Variants in VWA3A observed in about 807,000 individuals in gnomAD.
VWA3A encodes the protein von Willebrand factor A domain-containing protein 3A.
VWA3A carries 134 observed loss-of-function variants against 160.4 expected under a neutral mutation model. That is an observed-to-expected ratio of 0.84 (90% CI 0.73 to 0.96). VWA3A has a LOEUF of 0.96. VWA3A is among the 40% of genes least tolerant of loss of function. VWA3A has a pLI of 0.00. For synonymous variants in VWA3A, 476 were observed against 543.4 expected, an observed-to-expected ratio of 0.88 and a Z score of 1.72; for missense variants, 1,310 against 1,447.9, an observed-to-expected ratio of 0.90 and a Z score of 1.55.
chr16:22,144,581 C>T (rs1244845107), intron 26 of VWA3A, among the ~76,000 whole-genome samples, 197 bp downstream of exon 26: 1 of 151,996 alleles, frequency 6.6e-6, no homozygotes, highest in Non-Finnish European at 1.5e-5. Context: ...GGCCTAAGAT[C>T]CCATTCCAGG....
chr16:22,124,314 C>T (rs2141926488), intron 16 of VWA3A, among the ~76,000 whole-genome samples: 1 of 151,568 alleles, frequency 6.6e-6, no homozygotes, highest in African/African-American at 2.4e-5. Flanking sequence ...AATGCCCATC[C>T]CTGGAGCTTG....
At chr16:22,150,052 A>G (rs531398932) in intron 29 of VWA3A, 121 bp downstream of exon 29, 2 of 1,325,672 alleles carry the variant, frequency 1.5e-6, no homozygotes, top group South Asian at 1.6e-5. Context: ...GCACTACATC[A>G]TTTCATCTTC....
intron 8 of VWA3A, 62 bp downstream of exon 8, chr16:22,111,056 A>G: frequency 1.4e-6 from 2 of 1,412,160 alleles, no homozygotes; most frequent in Non-Finnish European, 1.9e-6. Context: ...TAACCAGCAG[A>G]GTCTTTATTG....
chr16:22,148,106 C>T (rs2046285309), intron 27 of VWA3A, 56 bp from the exon 28 acceptor site: 10 of 1,520,092 alleles, frequency 6.6e-6, no homozygotes, highest in Non-Finnish European at 7.9e-6. Flanking sequence ...GGAAACCACC[C>T]AGGAGGAGGG....
At chr16:22,136,278 G>A (rs111979536) in intron 21 of VWA3A, among the ~76,000 whole-genome samples, 24 of 152,072 alleles carry the variant, frequency 1.6e-4, no homozygotes, top group Non-Finnish European at 2.9e-4. Flanking sequence ...TGACCCCCAC[G>A]CTCCTCACTG....
chr16:22,098,391 C>T (rs548174176), intron 3 of VWA3A, among the ~76,000 whole-genome samples: 56 of 152,230 alleles, frequency 3.7e-4, no homozygotes, highest in African/African-American at 1.2e-3. Context: ...TTAAAGGAGA[C>T]GAGGAAAGGT....
Position 22,100,335 on chromosome 16 carries a change from TC to T in VWA3A, c.350+21del. The T allele has an allele frequency of 6.4e-7, 1 of 1,551,514 alleles. No individual in the cohort carries two copies. Among genetic ancestry groups the T allele is most frequent in the South Asian group, 1.2e-5 (1 of 84,042 alleles). On this transcript the variant is annotated intron_variant, in intron 4 of 33. Coordinates refer to ENST00000389398, the MANE Select transcript of VWA3A (RefSeq NM_173615.5). ...AGAAGTGCTGTAAGTCTGAAGCTGT[TC>T]CCCGCACCCCCCACAGCTGCAGTGA... is the stretch of plus-strand genomic sequence containing the variant.
At chr16:22,106,054 G>A (rs1363542119) in intron 6 of VWA3A, among the ~76,000 whole-genome samples, 2 of 152,160 alleles carry the variant, frequency 1.3e-5, no homozygotes, top group African/African-American at 2.4e-5. Context: ...AAACAAAGCT[G>A]AGTAAGGGAA....
intron 22 of VWA3A, among the ~76,000 whole-genome samples, chr16:22,139,694 CA>C (rs1485693521): frequency 6.6e-6 from 1 of 151,438 alleles, no homozygotes; most frequent in East Asian, 1.9e-4. Flanking sequence ...GACTCCATCT[CA>C]AAAAAGAAAA....
chr16:22,120,961 A>G lies in VWA3A; in HGVS notation c.1117-7A>G, dbSNP rs757247410. The G allele has an allele frequency of 3.1e-6, 5 of 1,613,940 alleles. No individual in the cohort carries two copies. The highest frequency in any genetic ancestry group is 4.2e-6 in the Non-Finnish European group (5 of 1,179,870). On this transcript the variant is annotated splice_region_variant and splice_polypyrimidine_tract_variant and intron_variant, in intron 12 of 33. Transcript: ENST00000389398. ...TTATGTAATGAGGGCTTTCTCATTT[A>G]ACTTAGATTTCCACAGAGATTACAA...
At chr16:22,098,939 T>G (rs111634479) in intron 3 of VWA3A, among the ~76,000 whole-genome samples, 2 of 65,102 alleles carry the variant, frequency 3.1e-5, no homozygotes, top group Admixed American at 1.7e-4. Context: ...AAAAAAAAAA[T>G]ACACAAATTA....
In VWA3A at chr16:22,106,030, C is replaced by T. The variant is rs925814056; in HGVS notation, c.483+2501C>T. Among the ~76,000 whole-genome samples, 7 of 152,126 alleles carry T rather than the reference C, an allele frequency of 4.6e-5. No homozygotes were observed. In the East Asian group the frequency reaches 7.7e-4, roughly 17 times the overall value. On this transcript the variant is annotated intron_variant, in intron 6 of 33. Coordinates refer to ENST00000389398, the MANE Select transcript of VWA3A (RefSeq NM_173615.5). Reference sequence around the variant, plus strand: ...TAAGGTCCTGCCTTCATGGAGCTTACGTGCTGTAAAAAGAAACAAAGCTGA... The same window carrying T: ...TAAGGTCCTGCCTTCATGGAGCTTATGTGCTGTAAAAAGAAACAAAGCTGA...
At chr16:22,141,887 G>A (rs1316072435) in intron 24 of VWA3A, among the ~76,000 whole-genome samples, 195 bp downstream of exon 24, 2 of 152,176 alleles carry the variant, frequency 1.3e-5, no homozygotes, top group Non-Finnish European at 1.5e-5. Flanking sequence ...AACAACCAGG[G>A]AATGAGAGAA....
At chr16:22,144,203 A>G in intron 25 of VWA3A, 44 bp from the exon 26 acceptor site, 1 of 1,566,978 alleles carries the variant, frequency 6.4e-7, no homozygotes, top group South Asian at 1.2e-5. Flanking sequence ...CATTCAGTTG[A>G]GTCTGAATTG....
At chr16:22,111,729 C>A (rs1464449759) in intron 8 of VWA3A, among the ~76,000 whole-genome samples, 1 of 152,114 alleles carries the variant, frequency 6.6e-6, no homozygotes, top group Non-Finnish European at 1.5e-5. Context: ...GTGATCCACC[C>A]ACCTCAGCCT....
chr16:22,117,297 C>A, intron 11 of VWA3A, 121 bp downstream of exon 11: 1 of 1,058,932 alleles, frequency 9.4e-7, no homozygotes. Flanking sequence ...CTCCTTGTCC[C>A]CACCTGTATT....
chr16:22,110,837 G>T, intron 7 of VWA3A, 51 bp from the exon 8 acceptor site: 1 of 1,533,114 alleles, frequency 6.5e-7, no homozygotes, highest in South Asian at 1.2e-5. Context: ...GCAAAGCCAG[G>T]CTCCCGATTC....
chr16:22,122,724 T>C (rs1288269099), intron 14 of VWA3A, among the ~76,000 whole-genome samples: 2 of 152,160 alleles, frequency 1.3e-5, no homozygotes, highest in Admixed American at 6.5e-5. Flanking sequence ...GCCAGTATAT[T>C]TTAAGGTCTC....
rs1441564316 is a variant in VWA3A, at chr16:22,120,952, T to C, written c.1117-16T>C. 1 of 1,613,642 alleles carries C rather than the reference T, an allele frequency of 6.2e-7. No homozygotes were observed. Among genetic ancestry groups the C allele is most frequent in the African/African-American group, 1.3e-5 (1 of 74,880 alleles). ...AAAATATGATTATGTAATGAGGGCT[T>C]TCTCATTTAACTTAGATTTCCACAG... On this transcript the variant is annotated splice_polypyrimidine_tract_variant and intron_variant, in intron 12 of 33. Coordinates refer to ENST00000389398, the MANE Select transcript of VWA3A (RefSeq NM_173615.5).
Sources: allele counts gnomAD v4.1 joint callset (sites outside exome capture counted in the v4.1 genomes callset), GRCh38; gene constraint gnomAD v4.1.1; transcripts MANE v1.5; gene names NCBI Gene and HGNC (gene_info 2026-07-23, HGNC 2026-07-21).